PSMA1: variants seen among roughly 807,000 people sequenced by gnomAD.
The protein encoded by PSMA1 is proteasome 20S subunit alpha 1, also known as proteasome subunit alpha type-1.
In PSMA1, 3 loss-of-function variants were observed where a neutral mutation model predicts 38.4. The ratio of observed to expected loss-of-function variants is 0.08; its 90% CI spans 0.04 to 0.20. The LOEUF (loss-of-function observed/expected upper bound fraction) is 0.20, where lower values mean the gene tolerates loss of function less well. PSMA1 is among the 10% of genes least tolerant of loss of function. The pLI, the probability that PSMA1 is intolerant of heterozygous loss-of-function variation, is 1.00. For missense variants in PSMA1, 227 were observed against 325.3 expected (o/e 0.70, Z 2.32); for synonymous variants, 101 against 107.1 (o/e 0.94, Z 0.35).
intron 1 of PSMA1, among the ~76,000 whole-genome samples, chr11:14,622,221 A>G (rs530761237): frequency 6.6e-6 from 1 of 152,326 alleles, no homozygotes; most frequent in South Asian, 2.1e-4. Context: ...GGCACATGGT[A>G]TGTGGCAACT....
At chr11:14,593,777 T>C (rs1852451305) in intron 2 of PSMA1, among the ~76,000 whole-genome samples, 1 of 152,166 alleles carries the variant, frequency 6.6e-6, no homozygotes, top group Non-Finnish European at 1.5e-5. Context: ...AAAGTTAATT[T>C]TGGCATGTAA....
At chr11:14,577,839 G>C (rs574887112) in intron 2 of PSMA1, among the ~76,000 whole-genome samples, 8 of 152,172 alleles carry the variant, frequency 5.3e-5, no homozygotes, top group Non-Finnish European at 7.4e-5. Context: ...GGAGTTGAGG[G>C]AAAAGTTATT....
chr11:14,544,669 A>G (rs1319904624), intron 2 of PSMA1, among the ~76,000 whole-genome samples: 1 of 152,220 alleles, frequency 6.6e-6, no homozygotes, highest in African/African-American at 2.4e-5. Flanking sequence ...TAAAAAAGAT[A>G]CGTAATCACA....
intron 2 of PSMA1, among the ~76,000 whole-genome samples, chr11:14,566,452 A>G (rs1441395003): frequency 6.6e-6 from 1 of 152,176 alleles, no homozygotes; most frequent in Non-Finnish European, 1.5e-5. Flanking sequence ...AGCTTGATGT[A>G]AATCCTTCAA....
At chr11:14,626,640 G>A (rs1352343260) in intron 1 of PSMA1, among the ~76,000 whole-genome samples, 2 of 152,122 alleles carry the variant, frequency 1.3e-5, no homozygotes, top group Non-Finnish European at 2.9e-5. Flanking sequence ...AGAAACCTGG[G>A]CAAGTCCTAT....
At chr11:14,637,630 C>T (rs1478820853) in intron 1 of PSMA1, among the ~76,000 whole-genome samples, 1 of 151,896 alleles carries the variant, frequency 6.6e-6, no homozygotes, top group Admixed American at 6.6e-5. Flanking sequence ...AACATATAGG[C>T]CCTAAATCAA....
intron 1 of PSMA1, among the ~76,000 whole-genome samples, chr11:14,637,235 C>CT: frequency 6.6e-6 from 1 of 152,134 alleles, no homozygotes; most frequent in East Asian, 1.9e-4. Context: ...TGTCTCATGC[C>CT]TCCATGGCTT....
chr11:14,584,860 G>T (rs2134185268), intron 2 of PSMA1, among the ~76,000 whole-genome samples: 1 of 152,318 alleles, frequency 6.6e-6, no homozygotes, highest in East Asian at 1.9e-4. Flanking sequence ...ATTGTAGTAA[G>T]ACAGGCTGGG....
chr11:14,573,003 C>CTGT (rs1852165027), intron 2 of PSMA1, among the ~76,000 whole-genome samples: 1 of 151,912 alleles, frequency 6.6e-6, no homozygotes, highest in East Asian at 1.9e-4. Context: ...TAACAGGAGC[C>CTGT]GAAACTGAGG....
At position 14,517,998 on chromosome 11, in the gene PSMA1, C is replaced by CA. The variant is rs772349863; in HGVS notation, c.49-18dup. On this transcript the variant is annotated splice_polypyrimidine_tract_variant and intron_variant, in intron 2 of 9. Coordinates refer to ENST00000396394, the MANE Select transcript of PSMA1 (RefSeq NM_002786.4). Reference sequence around the variant, plus strand: ...AATCCTGCCCTAAAGAAAAAAAAAACAAAAAACACACATCTTAGAAGATCT... The same window carrying CA: ...AATCCTGCCCTAAAGAAAAAAAAAACAAAAAAACACACATCTTAGAAGATCT... 4 of 1,425,476 alleles carry CA rather than the reference C, an allele frequency of 2.8e-6. No individual in the cohort carries two copies. The East Asian group carries it at 9.3e-5, about 33-fold the overall frequency. The allele number at this position is 1,425,476 out of a possible 1,614,324, so 88.3% of individuals were successfully genotyped here.
intron 2 of PSMA1, among the ~76,000 whole-genome samples, chr11:14,563,533 G>C (rs544156372): frequency 6.6e-6 from 1 of 152,212 alleles, no homozygotes; most frequent in South Asian, 2.1e-4. Flanking sequence ...TGGTTTCTAT[G>C]GTATTAAAGA....
At chr11:14,638,695 C>A (rs1478444902) in intron 1 of PSMA1, among the ~76,000 whole-genome samples, 1 of 139,660 alleles carries the variant, frequency 7.2e-6, no homozygotes, top group African/African-American at 2.7e-5. Context: ...GCTTTTGCTG[C>A]CTCCTGTAGA....
chr11:14,639,691 G>A (rs1853173270), intron 1 of PSMA1, among the ~76,000 whole-genome samples: 1 of 152,146 alleles, frequency 6.6e-6, no homozygotes, highest in African/African-American at 2.4e-5. Context: ...TTACACTTAA[G>A]CCATAGGATA....
At chr11:14,582,460 AAACAAC>A (rs61191715) in intron 2 of PSMA1, among the ~76,000 whole-genome samples, 5 of 151,608 alleles carry the variant, frequency 3.3e-5, no homozygotes, top group East Asian at 2.0e-4. Flanking sequence ...AGCAAAAACA[AAACAAC>A]AACAACAACA....
intron 2 of PSMA1, among the ~76,000 whole-genome samples, chr11:14,591,945 C>A (rs979750329): frequency 4.6e-5 from 7 of 152,156 alleles, no homozygotes; most frequent in Non-Finnish European, 1.0e-4. Context: ...TAGGTCCACG[C>A]TGCTTTTATG....
intron 8 of PSMA1, 107 bp from the exon 9 acceptor site, chr11:14,507,873 G>T: frequency 1.3e-6 from 1 of 751,426 alleles, no homozygotes; most frequent in Non-Finnish European, 2.1e-6. Flanking sequence ...TATAGCATTT[G>T]AATAAAACCT....
intron 1 of PSMA1, among the ~76,000 whole-genome samples, chr11:14,618,333 T>C (rs1852801297): frequency 6.6e-6 from 1 of 152,240 alleles, no homozygotes; most frequent in Non-Finnish European, 1.5e-5. Flanking sequence ...AACATCTGTT[T>C]GAACCACAGT....
chr11:14,549,802 T>C (rs1476284439), intron 2 of PSMA1, among the ~76,000 whole-genome samples: 1 of 152,048 alleles, frequency 6.6e-6, no homozygotes, highest in African/African-American at 2.4e-5. Context: ...CAAATGAGTG[T>C]CACACAGTGT....
intron 1 of PSMA1, among the ~76,000 whole-genome samples, chr11:14,640,921 A>T (rs1251121271): frequency 6.6e-6 from 1 of 152,162 alleles, no homozygotes; most frequent in Admixed American, 6.5e-5. Flanking sequence ...GAAATTAGAA[A>T]AAAAGAAATA....
Sources: gnomAD v4.1 joint callset for allele counts (sites outside exome capture counted in the v4.1 genomes callset) on GRCh38, gnomAD v4.1.1 for gene constraint, MANE v1.5 for transcripts, NCBI Gene and HGNC (gene_info 2026-07-23, HGNC 2026-07-21) for gene names.